DPP7: variants seen among roughly 807,000 people sequenced by gnomAD.
DPP7 encodes dipeptidyl peptidase 2.
DPP7 carries 74 observed loss-of-function variants against 58.8 expected under a neutral mutation model. The ratio of observed to expected loss-of-function variants is 1.26; its 90% CI spans 1.04 to 1.53. DPP7 has a LOEUF of 1.53. Among genes scored for constraint, DPP7 ranks in the 40% most tolerant of loss-of-function variants. The probability of loss-of-function intolerance (pLI) is 0.00; values close to 1 mark genes in which losing one functional copy is unlikely to be tolerated. For missense variants in DPP7, 807 were observed against 692.3 expected (o/e 1.17, Z -1.86); for synonymous variants, 350 against 303.6 (o/e 1.15, Z -1.59).
chr9:137,112,670 GC>G (rs1385037351), intron 8 of DPP7, 74 bp downstream of exon 8: 2 of 1,513,184 alleles, frequency 1.3e-6, no homozygotes, highest in Admixed American at 3.9e-5. Flanking sequence ...GCGGATCCTC[GC>G]CCCACCCGGC....
upstream of DPP7, among the ~76,000 whole-genome samples, chr9:137,117,050 GA>G (rs1831656022): frequency 6.6e-6 from 1 of 152,234 alleles, no homozygotes; most frequent in African/African-American, 2.4e-5. Context: ...AAATGGTAAT[GA>G]ATAAATACTG....
chr9:137,114,464 C>T lies in DPP7; in HGVS notation c.180G>A (p.Ser60=). ...NKTFPQRFLV[S]DRFWVRGEGP... is the part of the protein sequence containing the mutation. ...GCCGGGCCGGGGCCGGGGTCTCACC[C>T]GACACCAGGAAGCGCTGAGGGAAGG... The change falls in exon 2 of 13, where the codon TCG becomes TCA. Residue 60 remains serine (S), a splice_region_variant and synonymous_variant. Transcript: ENST00000371579. 6.4e-7 allele frequency: 1 copy of T among 1,567,452 alleles called. No individual in the cohort carries two copies. The highest frequency in any genetic ancestry group is 1.8e-5 in the Admixed American group (1 of 54,394).
At chr9:137,113,172 G>A in intron 6 of DPP7, 34 bp downstream of exon 6, 1 of 1,613,746 alleles carries the variant, frequency 6.2e-7, no homozygotes, top group Non-Finnish European at 8.5e-7. Context: ...CGCTGGGGCG[G>A]GTCAGGCAGT....
At chr9:137,116,115 G>A (rs1471339669), upstream of DPP7, among the ~76,000 whole-genome samples, 1 of 152,178 alleles carries the variant, frequency 6.6e-6, no homozygotes, top group African/African-American at 2.4e-5. Flanking sequence ...CCACAGAGGG[G>A]CCAGAGCCTC....
chr9:137,112,141 C>T lies in DPP7; in HGVS notation c.1021G>A (p.Gly341Ser), dbSNP rs371790137. The T allele has an allele frequency of 2.0e-5, 32 of 1,610,652 alleles. No homozygotes were observed. Among genetic ancestry groups the T allele is most frequent in the African/African-American group, 1.9e-4 (14 of 75,022 alleles). The part of the protein sequence containing the change: ...SCADPTGCGT[G>S]PDARAWDYQA... ...TAGTCCCAGGCCCTGGCGTCGGGGC[C>T]GGTGCCGCAGCCAGTGGGGTCAGCA... The change falls in exon 9 of 13, where the codon GGC becomes AGC. Residue 341 changes from glycine (G) to serine (S), a missense_variant. Transcript: ENST00000371579.
Position 137,110,759 on chromosome 9 carries a change from A to G in DPP7, c.1368T>C (p.Ala456=), listed in dbSNP as rs1345240327. ...CCAGCTTCCGCGCCTCAACCACGGA[A>G]GCAGGATCTTCTGGGTGGGAGGCTC... ...DLRASHPEDP[A]SVVEARKLEA... is the part of the protein sequence containing the mutation. The change falls in exon 13 of 13, where the codon GCT becomes GCC. Residue 456 remains alanine (A), a synonymous_variant. Transcript: ENST00000371579. 3 of 1,606,346 alleles carry G rather than the reference A, an allele frequency of 1.9e-6. No homozygotes were observed. The highest frequency in any genetic ancestry group is 2.2e-5 in the South Asian group (2 of 90,990).
chr9:137,111,796 G>C (rs752959422), intron 10 of DPP7, 42 bp from the exon 11 acceptor site: 5 of 1,613,456 alleles, frequency 3.1e-6, no homozygotes, highest in Non-Finnish European at 4.2e-6. Context: ...CCCCTCACGG[G>C]GGCTGTGAGC....
chr9:137,111,661 G>C (rs750670108), intron 11 of DPP7, 29 bp downstream of exon 11: 1 of 1,601,202 alleles, frequency 6.2e-7, no homozygotes, highest in Admixed American at 1.8e-5. Context: ...ACAAACTAAC[G>C]GGGTCATAGG....
intron 4 of DPP7, 98 bp downstream of exon 4, chr9:137,113,767 G>A (rs1831495739): frequency 1.4e-6 from 2 of 1,401,862 alleles, no homozygotes; most frequent in Non-Finnish European, 1.9e-6. Flanking sequence ...CTTACGAAAA[G>A]GCAGCGGTGG....
At chr9:137,112,301 C>T (rs4074598) in intron 8 of DPP7, 71 bp from the exon 9 acceptor site, 30 of 1,291,682 alleles carry the variant, frequency 2.3e-5, no homozygotes, top group African/African-American at 4.4e-5. Flanking sequence ...ACCAACCTGT[C>T]CCCCCTCGGA....
At chr9:137,113,702 G>C in intron 4 of DPP7, 163 bp downstream of exon 4, 1 of 1,423,742 alleles carries the variant, frequency 7.0e-7, no homozygotes, top group Non-Finnish European at 9.2e-7. Flanking sequence ...TGGGAGGACA[G>C]GTGGGAGGGC....
At position 137,114,285 on chromosome 9, in the gene DPP7, C is replaced by T. The variant is rs1361750987; in HGVS notation, c.279G>A (p.Glu93=). 1.2e-6 allele frequency: 2 copies of T among 1,603,682 alleles called. No homozygotes were observed. The highest frequency in any genetic ancestry group is 1.7e-6 in the Non-Finnish European group (2 of 1,176,108). Residue 93 remains glutamate (E), a synonymous_variant, in exon 3 of 13, where the codon GAG becomes GAA. Coordinates refer to ENST00000371579, the MANE Select transcript of DPP7 (RefSeq NM_013379.3). ...GTAGAGCCCCCCGCTCGGCCGCCAG[C>T]TCCGCGACGAAGGCCGAGTTGTTGG... ...AFANNSAFVA[E]LAAERGALLV...
At chr9:137,115,757 C>G (rs1318046795), upstream of DPP7, among the ~76,000 whole-genome samples, 2 of 152,098 alleles carry the variant, frequency 1.3e-5, no homozygotes, top group Non-Finnish European at 2.9e-5. Flanking sequence ...TGGCAGTGAC[C>G]ATCACGTCAC....
chr9:137,113,012 T>C lies in DPP7; in HGVS notation c.811A>G (p.Met271Val), dbSNP rs764090406. The change falls in exon 7 of 13, where the codon ATG (methionine) becomes GTG (valine). Residue 271 changes from methionine to valine, a missense_variant. Met to Val is a conservative substitution (Grantham distance 21). Coordinates refer to ENST00000371579, the MANE Select transcript of DPP7 (RefSeq NM_013379.3). ...FARNAFTVLA[M>V]MDYPYPTDFL... ...TCAGTGGGGTAGGGGTAGTCCATCATGGCCAGCACGGTGAAGGCATTCCGG... is the reference window on the plus strand; with the variant it reads ...TCAGTGGGGTAGGGGTAGTCCATCACGGCCAGCACGGTGAAGGCATTCCGG... 5.0e-6 allele frequency: 8 copies of C among 1,613,660 alleles called. No individual in the cohort carries two copies. The African/African-American group carries it at 6.7e-5, about 13-fold the overall frequency.
At position 137,113,124 on chromosome 9, in the gene DPP7, G is replaced by C. The variant is rs201933994; in HGVS notation, c.704-5C>G. The C allele has an allele frequency of 1.7e-5, 28 of 1,613,722 alleles. No homozygotes were observed. Among genetic ancestry groups the C allele is most frequent in the African/African-American group, 4.0e-5 (3 of 75,052 alleles). On this transcript the variant is annotated splice_polypyrimidine_tract_variant and splice_region_variant and intron_variant, in intron 6 of 12. Coordinates refer to ENST00000371579, the MANE Select transcript of DPP7 (RefSeq NM_013379.3). ...CCCAGCGGACCGTGTCGTAGGCTGC[G>C]TGGAAGGGGCAGAGACTTGAAGTTT...
At position 137,112,117 on chromosome 9, in the gene DPP7, A is replaced by G; in HGVS notation, c.1045T>C (p.Tyr349His). 1.2e-6 allele frequency: 2 copies of G among 1,611,834 alleles called. No homozygotes were observed. Among genetic ancestry groups the G allele is most frequent in the Non-Finnish European group, 1.7e-6 (2 of 1,179,568 alleles). Residue 349 changes from tyrosine (Y) to histidine (H), a missense_variant, in exon 9 of 13, where the codon TAC (tyrosine) becomes CAC (histidine). By Grantham distance (83) the Tyr-to-His change is moderately conservative. Coordinates refer to ENST00000371579, the MANE Select transcript of DPP7 (RefSeq NM_013379.3). ...GTGPDARAWD[Y>H]QACTEINLTF... ...GGCCACCCACACCCCCACACCTGGT[A>G]GTCCCAGGCCCTGGCGTCGGGGCCG...
Position 137,112,175 on chromosome 9 carries a change from G to T in DPP7, c.987C>A (p.Tyr329Ter). The stretch of plus-strand genomic sequence containing the variant: ...AGCCAGTGGGGTCAGCACAGCTGTG[G>T]TAGAGCCGGTAGATGTCGTAGCAGT... ...SEHCYDIYRL[Y>*]HSCADPTGCG... Residue 329 changes from tyrosine (Y) to a stop codon, truncating the protein, a stop_gained, in exon 9 of 13, where the codon TAC (tyrosine) becomes TAA (stop). Transcript: ENST00000371579. LOFTEE classifies it high-confidence loss of function. The T allele has an allele frequency of 1.9e-6, 3 of 1,607,918 alleles. No homozygotes were observed. The highest frequency in any genetic ancestry group is 2.5e-6 in the Non-Finnish European group (3 of 1,179,694).
intron 3 of DPP7, 25 bp from the exon 4 acceptor site, chr9:137,114,053 G>A: frequency 1.5e-6 from 2 of 1,313,728 alleles, no homozygotes; most frequent in South Asian, 2.3e-5. Context: ...CATTGAGCCC[G>A]GCCCCGCGAC....
chr9:137,116,740 T>A (rs879571717), upstream of DPP7, among the ~76,000 whole-genome samples: 12 of 152,216 alleles, frequency 7.9e-5, no homozygotes, highest in East Asian at 5.8e-4. Context: ...AGAGGAAGGC[T>A]TCTGTCTCCG....
Sources: gnomAD v4.1 joint callset for allele counts (sites outside exome capture counted in the v4.1 genomes callset) on GRCh38, gnomAD v4.1.1 for gene constraint, MANE v1.5 for transcripts, NCBI Gene and HGNC (gene_info 2026-07-23, HGNC 2026-07-21) for gene names.